FAM193A: variants seen among roughly 807,000 people sequenced by gnomAD.
FAM193A encodes the protein family with sequence similarity 193 member A, also known as protein FAM193A.
In FAM193A, 22 loss-of-function variants were observed where a neutral mutation model predicts 126.5. The observed-to-expected ratio is 0.17, with a 90% CI of 0.12 to 0.25. The LOEUF is 0.25. Among genes scored for constraint, FAM193A ranks in the 10% least tolerant of loss-of-function variants. The pLI is 1.00. For missense variants in FAM193A, 1,675 were observed against 1,672.8 expected (o/e 1.00, Z -0.02); for synonymous variants, 761 against 646.8 (o/e 1.18, Z -2.68).
At chr4:2,689,393 T>A in intron 13 of FAM193A, 113 bp from the exon 14 acceptor site, 1 of 708,512 alleles carries the variant, frequency 1.4e-6, no homozygotes, top group Non-Finnish European at 2.3e-6. Flanking sequence ...GCTCAGCTCA[T>A]GGCGAGCACA....
chr4:2,720,162 A>ATACT (rs1371770421), intron 20 of FAM193A: 1 of 154,574 alleles, frequency 6.5e-6, no homozygotes, highest in Non-Finnish European at 1.5e-5. Flanking sequence ...ATGGCTTAGT[A>ATACT]GATCATGGAT....
chr4:2,580,616 TGTTA>T (rs1253250570), intron 1 of FAM193A, among the ~76,000 whole-genome samples: 1 of 152,232 alleles, frequency 6.6e-6, no homozygotes, highest in Non-Finnish European at 1.5e-5. Context: ...GTTCTTGCTC[TGTTA>T]GTTCACTTGA....
chr4:2,617,031 G>A (rs1428560160), intron 2 of FAM193A, among the ~76,000 whole-genome samples: 7 of 145,508 alleles, frequency 4.8e-5, no homozygotes, highest in African/African-American at 1.7e-4. Flanking sequence ...AGCCGGGTGT[G>A]GTGGCACATG....
intron 1 of FAM193A, among the ~76,000 whole-genome samples, chr4:2,578,781 A>G (rs1189091021): frequency 1.3e-5 from 2 of 152,292 alleles, no homozygotes; most frequent in African/African-American, 2.4e-5. Flanking sequence ...GCTAGAGAAA[A>G]TAAAATGTTA....
At chr4:2,658,606 G>T (rs934554632) in intron 8 of FAM193A, among the ~76,000 whole-genome samples, 1 of 151,966 alleles carries the variant, frequency 6.6e-6, no homozygotes, top group African/African-American at 2.4e-5. Context: ...GCAAATATTG[G>T]TGGTTCCCTG....
intron 6 of FAM193A, among the ~76,000 whole-genome samples, chr4:2,645,756 A>G (rs913367535): frequency 1.3e-5 from 2 of 151,910 alleles, no homozygotes; most frequent in Non-Finnish European, 2.9e-5. Flanking sequence ...TGAACTCCCG[A>G]CCTCAGGTGA....
At chr4:2,651,324 C>G (rs1252535430) in intron 7 of FAM193A, among the ~76,000 whole-genome samples, 1 of 151,788 alleles carries the variant, frequency 6.6e-6, no homozygotes, top group Admixed American at 6.5e-5. Flanking sequence ...GAGTGAAACT[C>G]TGTCTCAAAA....
In FAM193A at chr4:2,601,726, A is replaced by T. The variant is rs549747745; in HGVS notation, c.501+5397A>T. On this transcript the variant is annotated intron_variant, in intron 2 of 20. Coordinates refer to ENST00000637812, the MANE Select transcript of FAM193A (RefSeq NM_001366318.2). ...TAACATAGAAAGACTCTGTCTCTAT[A>T]AAAAAAAAAAAATTATAAACCAAAA... Among the ~76,000 whole-genome samples the T allele has an allele frequency of 1.6e-4, 23 of 142,686 alleles. No individual in the cohort carries two copies. In the East Asian group the frequency reaches 2.8e-3, roughly 17 times the overall value. The allele number at this position is 142,686 out of a possible 152,430, so 93.6% of individuals were successfully genotyped here. A position where few individuals can be genotyped will look rare whatever the true frequency, so the allele number is the denominator to read the frequency against.
intron 5 of FAM193A, 82 bp downstream of exon 5, chr4:2,631,251 G>A: frequency 7.4e-7 from 1 of 1,348,748 alleles, no homozygotes; most frequent in Non-Finnish European, 1.0e-6. Context: ...TCACGCATGT[G>A]TGCCGACCTC....
chr4:2,689,875 C>T (rs1246502858), intron 14 of FAM193A, among the ~76,000 whole-genome samples, 171 bp downstream of exon 14: 1 of 152,244 alleles, frequency 6.6e-6, no homozygotes, highest in East Asian at 1.9e-4. Flanking sequence ...CATCCTCTCG[C>T]ATCTGCCACC....
At chr4:2,660,167 A>G (rs1712251233) in intron 10 of FAM193A, 113 bp downstream of exon 10, 1 of 1,190,912 alleles carries the variant, frequency 8.4e-7, no homozygotes, top group Admixed American at 2.4e-5. Context: ...TTTTCATGAC[A>G]AGGGACCCTG....
At chr4:2,578,383 A>G (rs928310592) in intron 1 of FAM193A, among the ~76,000 whole-genome samples, 2 of 151,874 alleles carry the variant, frequency 1.3e-5, no homozygotes, top group Admixed American at 1.3e-4. Flanking sequence ...ATTACTGTGC[A>G]CTAGACTCTG....
chr4:2,552,026 T>TC (rs1174312595), intron 1 of FAM193A, among the ~76,000 whole-genome samples: 2 of 149,038 alleles, frequency 1.3e-5, no homozygotes. Flanking sequence ...TTTTTTTTTT[T>TC]TTCGAGACAG....
chr4:2,556,086 G>A (rs540232119), intron 1 of FAM193A, among the ~76,000 whole-genome samples: 3 of 151,858 alleles, frequency 2.0e-5, no homozygotes, highest in South Asian at 4.2e-4. Flanking sequence ...AGTAGAGGTA[G>A]GGTTTCACCA....
At chr4:2,685,954 T>C (rs867625880) in intron 13 of FAM193A, among the ~76,000 whole-genome samples, 4 of 152,236 alleles carry the variant, frequency 2.6e-5, no homozygotes, top group African/African-American at 9.6e-5. Flanking sequence ...TAGTTGAAGC[T>C]TTGTGGGTTT....
chr4:2,609,262 A>G (rs1020869161), intron 2 of FAM193A, among the ~76,000 whole-genome samples: 1 of 152,152 alleles, frequency 6.6e-6, no homozygotes, highest in Admixed American at 6.6e-5. Flanking sequence ...AGGCTAAAAG[A>G]CATATTATGT....
At position 2,548,881 on chromosome 4, in the gene FAM193A, A is replaced by G. The variant is rs186144090; in HGVS notation, c.255+11711A>G. ...TCTGTTTTAGCTCAAGGTTATGAAG[A>G]TTTTTTTCCTTCTATGTTTTCTTCT... On this transcript the variant is annotated intron_variant, in intron 1 of 20. Coordinates refer to ENST00000637812, the MANE Select transcript of FAM193A (RefSeq NM_001366318.2). 2.5e-4 allele frequency among the ~76,000 whole-genome samples: 38 copies of G among 151,238 alleles called. 1 individual carries two copies. The highest frequency in any genetic ancestry group is 9.2e-4 in the African/African-American group (38 of 41,256).
intron 2 of FAM193A, among the ~76,000 whole-genome samples, chr4:2,620,238 C>G (rs2857800): frequency 0.21 from 32,614 of 152,058 alleles, 4,147 homozygotes; most frequent in Middle Eastern, 0.33. Flanking sequence ...TATTTTAAGA[C>G]TTACTTTCAT....
chr4:2,622,542 G>T (rs1742620313), intron 2 of FAM193A, among the ~76,000 whole-genome samples: 1 of 152,166 alleles, frequency 6.6e-6, no homozygotes, highest in Non-Finnish European at 1.5e-5. Flanking sequence ...TTTCTTGTTG[G>T]TGGCGGGGGT....
Sources: gnomAD v4.1 joint callset for allele counts (sites outside exome capture counted in the v4.1 genomes callset) on GRCh38, gnomAD v4.1.1 for gene constraint, MANE v1.5 for transcripts, NCBI Gene and HGNC (gene_info 2026-07-23, HGNC 2026-07-21) for gene names.